Variants in MKLN1 observed in about 807,000 individuals in gnomAD.
The protein encoded by MKLN1 is muskelin.
Under a neutral mutation model 99.0 loss-of-function variants are expected in MKLN1, and 18 were observed. The ratio of observed to expected loss-of-function variants is 0.18; its 90% confidence interval spans 0.13 to 0.27. The LOEUF (loss-of-function observed/expected upper bound fraction) is 0.27. Ranked by LOEUF, MKLN1 falls within the 10% of genes least tolerant of loss-of-function variation. The pLI, the probability that MKLN1 is intolerant of heterozygous loss-of-function variation, is 1.00. For missense variants in MKLN1, 621 were observed against 875.9 expected, an observed-to-expected ratio of 0.71 and a Z score of 3.67; for synonymous variants, 288 against 293.2, an observed-to-expected ratio of 0.98 and a Z score of 0.18.
At chr7:131,347,494 C>CA (rs375421058) in intron 1 of MKLN1, among the ~76,000 whole-genome samples, 4 of 151,680 alleles carry the variant, frequency 2.6e-5, no homozygotes, top group African/African-American at 4.8e-5. Context: ...CAAACAAAAA[C>CA]AAAAAAAACC....
At chr7:131,417,181 G>T (rs1239221597) in intron 8 of MKLN1, among the ~76,000 whole-genome samples, 2 of 152,016 alleles carry the variant, frequency 1.3e-5, no homozygotes, top group Admixed American at 6.6e-5. Flanking sequence ...GGTGTACAAA[G>T]AAAAATCGGC....
At chr7:131,395,709 GTGT>G (rs1171905219) in intron 4 of MKLN1, among the ~76,000 whole-genome samples, 1 of 151,230 alleles carries the variant, frequency 6.6e-6, no homozygotes, top group Non-Finnish European at 1.5e-5. Flanking sequence ...AAAATAACTA[GTGT>G]TGTTATTAAA....
intron 3 of MKLN1, among the ~76,000 whole-genome samples, chr7:131,229,930 G>A (rs559722661): frequency 3.4e-4 from 52 of 152,272 alleles, no homozygotes; most frequent in Non-Finnish European, 6.5e-4. Context: ...TCCCTGTTTC[G>A]TGATGGCTTT....
chr7:131,447,009 A>T (rs1796036519), intron 12 of MKLN1, among the ~76,000 whole-genome samples: 1 of 152,242 alleles, frequency 6.6e-6, no homozygotes, highest in African/African-American at 2.4e-5. Flanking sequence ...GTAAAAAACG[A>T]AGGATAGGGA....
At chr7:131,338,601 A>G (rs1799316723) in intron 1 of MKLN1, among the ~76,000 whole-genome samples, 1 of 152,110 alleles carries the variant, frequency 6.6e-6, no homozygotes, top group African/African-American at 2.4e-5. Context: ...CTATTCCGTC[A>G]TATTCAAAAG....
intron 2 of MKLN1, among the ~76,000 whole-genome samples, chr7:131,195,463 A>G (rs1796629092): frequency 6.6e-6 from 1 of 151,878 alleles, no homozygotes; most frequent in African/African-American, 2.4e-5. Flanking sequence ...ACGAGCCAAG[A>G]TCGTGCCACT....
chr7:131,169,777 G>A (rs1796190188), intron 2 of MKLN1, among the ~76,000 whole-genome samples: 1 of 152,158 alleles, frequency 6.6e-6, no homozygotes, highest in Non-Finnish European at 1.5e-5. Context: ...TTATTTTCAA[G>A]CAATAGTCTG....
At chr7:131,210,314 T>C (rs530489613) in intron 3 of MKLN1, among the ~76,000 whole-genome samples, 16 of 152,224 alleles carry the variant, frequency 1.1e-4, no homozygotes, top group African/African-American at 3.4e-4. Context: ...GTGGATTGCC[T>C]GAGCTCAGGA....
upstream of MKLN1, chr7:131,323,456 C>T (rs1330507952): frequency 6.6e-6 from 1 of 152,110 alleles, no homozygotes; most frequent in Non-Finnish European, 1.5e-5. Flanking sequence ...ATGTCTGGTT[C>T]TAAAACCAGC....
intron 6 of MKLN1, among the ~76,000 whole-genome samples, chr7:131,406,952 T>C: frequency 6.6e-6 from 1 of 152,096 alleles, no homozygotes; most frequent in East Asian, 1.9e-4. Context: ...TGTCCGAAAC[T>C]CCAGTGTGGC....
Position 131,375,558 on chromosome 7 carries a change from A to G in MKLN1, c.168+65A>G, listed in dbSNP as rs1394981493. The G allele has an allele frequency of 6.4e-6, 6 of 930,428 alleles. No homozygotes were observed. The African/African-American group carries it at 6.5e-5, about 10-fold the overall frequency. 57.6% of individuals were successfully genotyped at this position (930,428 alleles called of 1,614,324 possible). On this transcript the variant is annotated intron_variant, in intron 2 of 17. Coordinates refer to ENST00000352689, the MANE Select transcript of MKLN1 (RefSeq NM_013255.5). ...CCATTTAAATAAACACTCAATTGAT[A>G]CTAGTTATCTGGAATCTACTAATAG...
intron 3 of MKLN1, among the ~76,000 whole-genome samples, chr7:131,283,559 C>G (rs935994752): frequency 6.6e-6 from 1 of 151,632 alleles, no homozygotes; most frequent in Non-Finnish European, 1.5e-5. Flanking sequence ...CTCAGCCTCC[C>G]GAGTAGCTGG....
chr7:131,160,490 T>C (rs7457966), intron 2 of MKLN1, among the ~76,000 whole-genome samples: 1 of 114,756 alleles, frequency 8.7e-6, no homozygotes, highest in Non-Finnish European at 1.8e-5. Context: ...ATTATTATTA[T>C]TAATTATTAT....
At chr7:131,286,661 C>A (rs770244126) in intron 3 of MKLN1, among the ~76,000 whole-genome samples, 4 of 152,166 alleles carry the variant, frequency 2.6e-5, no homozygotes, top group Non-Finnish European at 4.4e-5. Flanking sequence ...AAGTACTGTG[C>A]TAAGATTTTT....
chr7:131,476,366 G>A (rs986961195), intron 16 of MKLN1, among the ~76,000 whole-genome samples: 1 of 152,050 alleles, frequency 6.6e-6, no homozygotes, highest in African/African-American at 2.4e-5. Flanking sequence ...GTTTGCATTT[G>A]TAGGTAACAT....
chr7:131,421,378 C>T (rs1795186426), intron 8 of MKLN1, among the ~76,000 whole-genome samples: 1 of 152,136 alleles, frequency 6.6e-6, no homozygotes, highest in Non-Finnish European at 1.5e-5. Context: ...TTGTATTTAT[C>T]ATCAATCTTT....
chr7:131,255,429 T>C (rs1248607109), intron 3 of MKLN1, among the ~76,000 whole-genome samples: 1 of 152,070 alleles, frequency 6.6e-6, no homozygotes, highest in African/African-American at 2.4e-5. Flanking sequence ...AAACATACAA[T>C]GTATAAGGAA....
intron 2 of MKLN1, among the ~76,000 whole-genome samples, chr7:131,166,527 G>A (rs1046274769): frequency 3.3e-5 from 5 of 152,042 alleles, no homozygotes; most frequent in African/African-American, 9.7e-5. Context: ...CCCGCTTCTC[G>A]CTGGGCACTG....
intron 11 of MKLN1, among the ~76,000 whole-genome samples, chr7:131,444,204 G>A (rs1015266048): frequency 6.6e-6 from 1 of 151,334 alleles, no homozygotes; most frequent in African/African-American, 2.4e-5. Context: ...ACAAAAATTA[G>A]CCTGGCGTGG....
Sources: gnomAD v4.1 joint callset for allele counts (sites outside exome capture counted in the v4.1 genomes callset) on GRCh38, gnomAD v4.1.1 for gene constraint, MANE v1.5 for transcripts, NCBI Gene and HGNC (gene_info 2026-07-23, HGNC 2026-07-21) for gene names.